ARRDC5: variants seen among roughly 807,000 people sequenced by gnomAD.
ARRDC5 encodes arrestin domain containing 5, also known as arrestin domain-containing protein 5.
In ARRDC5, 12 loss-of-function variants were observed where a neutral mutation model predicts 13.3. The observed-to-expected ratio is 0.90, with a 90% confidence interval of 0.58 to 1.46. ARRDC5 has a LOEUF of 1.46. Among genes scored for constraint, ARRDC5 ranks in the 40% most tolerant of loss-of-function variants. The probability of loss-of-function intolerance (pLI) is 0.00; values close to 1 mark genes in which losing one functional copy is unlikely to be tolerated. For missense variants in ARRDC5, 406 were observed against 418.7 expected (o/e 0.97, Z 0.26); for synonymous variants, 181 against 173.4 (o/e 1.04, Z -0.34).
At chr19:4,900,019 G>A (rs2146256315) in intron 1 of ARRDC5, among the ~76,000 whole-genome samples, 1 of 151,290 alleles carries the variant, frequency 6.6e-6, no homozygotes, top group Non-Finnish European at 1.5e-5. Flanking sequence ...CTGTTGCCCA[G>A]GCTGGAGTGC....
intron 2 of ARRDC5, among the ~76,000 whole-genome samples, chr19:4,893,662 G>T (rs12980909): frequency 1.4e-5 from 2 of 147,312 alleles, no homozygotes; most frequent in Non-Finnish European, 3.0e-5. Context: ...GAGGCCAAGG[G>T]GGGAGGATCA....
the ARRDC5 span, chr19:4,910,355 G>A: frequency 6.6e-6 from 1 of 151,176 alleles, no homozygotes; most frequent in Non-Finnish European, 1.5e-5. Flanking sequence ...GGGCCGGCAA[G>A]GAGGGGGGGC....
In ARRDC5 at chr19:4,891,509, C is replaced by G. The variant is rs1477920182; in HGVS notation, c.524G>C (p.Cys175Ser). The change falls in exon 3 of 3, where the codon TGT (cysteine) becomes TCT (serine). Residue 175 changes from cysteine (C) to serine (S), a missense_variant. Physicochemically the swap from Cys to Ser is moderately radical, Grantham distance 112 (BLOSUM62 -1). Transcript: ENST00000650722. ...SYNCCRQGTVCLQIQMERNTF... is the reference protein window; with the variant it reads ...SYNCCRQGTVSLQIQMERNTF... Reference sequence around the variant, plus strand: ...GTTCCTTTCCATCTGGATTTGCAAACAGACAGTGCCCTGGCGGCAGCAGTT... The same window carrying G: ...GTTCCTTTCCATCTGGATTTGCAAAGAGACAGTGCCCTGGCGGCAGCAGTT... 1 of 1,613,920 alleles carries G rather than the reference C, an allele frequency of 6.2e-7. No homozygotes were observed. The highest frequency in any genetic ancestry group is 1.7e-5 in the Admixed American group (1 of 59,988).
At position 4,902,737 on chromosome 19, in the gene ARRDC5, G is replaced by T. The variant is rs376093484; in HGVS notation, c.89C>A (p.Thr30Asn). Residue 30 changes from threonine to asparagine, a missense_variant, in exon 1 of 3, where the codon ACC becomes AAC. Coordinates refer to ENST00000650722, the MANE Select transcript of ARRDC5 (RefSeq NM_001080523.3). ...GGGGTCCACCAGGGTGCTGTTCAGG[G>T]TTAAGATCACCTGCCCTTTTATGCT... The part of the protein sequence containing the change: ...GSSIKGQVIL[T>N]LNSTLVDPIV... 2 of 1,613,868 alleles carry T rather than the reference G, an allele frequency of 1.2e-6. No individual in the cohort carries two copies. Among genetic ancestry groups the T allele is most frequent in the Non-Finnish European group, 1.7e-6 (2 of 1,179,898 alleles).
In ARRDC5 at chr19:4,891,057, G is replaced by T. The variant is rs1179040032; in HGVS notation, c.976C>A (p.His326Asn). ...EDGVLPVNPD[H>N]QN Reference sequence around the variant, plus strand: ...AAAAGTTCGGGCACTTAATTCTGGTGATCTGGGTTCACGGGTAACACTCCG... The same window carrying T: ...AAAAGTTCGGGCACTTAATTCTGGTTATCTGGGTTCACGGGTAACACTCCG... Residue 326 changes from histidine (H) to asparagine (N), a missense_variant, in exon 3 of 3, where the codon CAC (histidine) becomes AAC (asparagine). Physicochemically the swap from His to Asn is moderately conservative, Grantham distance 68. Transcript: ENST00000650722. The T allele has an allele frequency of 6.2e-7, 1 of 1,610,934 alleles. No homozygotes were observed. Among genetic ancestry groups the T allele is most frequent in the Non-Finnish European group, 8.5e-7 (1 of 1,178,770 alleles).
Position 4,902,702 on chromosome 19 carries a change from C to A in ARRDC5, c.124G>T (p.Val42Leu). ...ACGTAACCCCTTCCCACGAGCTCCACCTTCACTATGGGGTCCACCAGGGTG... is the reference window on the plus strand; with the variant it reads ...ACGTAACCCCTTCCCACGAGCTCCAACTTCACTATGGGGTCCACCAGGGTG... ...NSTLVDPIVK[V>L]ELVGRGYVEW... is the part of the protein sequence containing the mutation. Residue 42 changes from valine (V) to leucine (L), a missense_variant, in exon 1 of 3, where the codon GTG becomes TTG. By Grantham distance (32) the Val-to-Leu change is conservative (BLOSUM62 1). Transcript: ENST00000650722. 1 of 1,614,074 alleles carries A rather than the reference C, an allele frequency of 6.2e-7. No homozygotes were observed. The highest frequency in any genetic ancestry group is 1.1e-5 in the South Asian group (1 of 91,090).
the ARRDC5 span, among the ~76,000 whole-genome samples, chr19:4,913,240 A>G: frequency 7.0e-6 from 1 of 143,720 alleles, no homozygotes; most frequent in African/African-American, 2.6e-5. Context: ...TTAATTAGAC[A>G]TGTACATTGT....
At chr19:4,899,765 A>T (rs2656931) in intron 1 of ARRDC5, among the ~76,000 whole-genome samples, 27,044 of 62,928 alleles carry the variant, frequency 0.43, 3,466 homozygotes, top group Middle Eastern at 0.54. Flanking sequence ...CCGTCTCTAC[A>T]AAAAAAAAAA....
At chr19:4,896,348 ATTT>A (rs1225628606) in intron 2 of ARRDC5, among the ~76,000 whole-genome samples, 3,882 of 59,370 alleles carry the variant, frequency 0.065, 341 homozygotes, top group African/African-American at 0.14. Context: ...ATATATATAT[ATTT>A]TTTTTTTTTT....
the ARRDC5 span, among the ~76,000 whole-genome samples, chr19:4,914,706 G>C: frequency 1.3e-5 from 2 of 150,760 alleles, no homozygotes; most frequent in South Asian, 4.2e-4. Flanking sequence ...TGTCTTTTGC[G>C]GCACCTTTAA....
intron 2 of ARRDC5, among the ~76,000 whole-genome samples, chr19:4,893,664 G>A (rs574475069): frequency 3.7e-4 from 55 of 149,710 alleles, no homozygotes; most frequent in African/African-American, 1.4e-3. Context: ...GGCCAAGGGG[G>A]GAGGATCACT....
intron 1 of ARRDC5, among the ~76,000 whole-genome samples, chr19:4,899,377 C>G (rs989949291): frequency 6.6e-6 from 1 of 151,980 alleles, no homozygotes; most frequent in African/African-American, 2.4e-5. Flanking sequence ...TGCCTGTAAT[C>G]CCAGCACTTT....
intron 1 of ARRDC5, among the ~76,000 whole-genome samples, chr19:4,900,367 C>T (rs1409321074): frequency 1.3e-5 from 2 of 152,104 alleles, no homozygotes; most frequent in South Asian, 2.1e-4. Flanking sequence ...ATCTGCCCAC[C>T]TTGGCCTCCC....
In ARRDC5 at chr19:4,899,768, A is replaced by T. The variant is rs1401150885; in HGVS notation, c.253+2805T>A. ...CACGGTGAAACCCCGTCTCTACAAA[A>T]AAAAAAAAAAAAAAAAAAAAATTAG... is the stretch of plus-strand genomic sequence containing the variant. On this transcript the variant is annotated intron_variant, in intron 1 of 2. Coordinates refer to ENST00000650722, the MANE Select transcript of ARRDC5 (RefSeq NM_001080523.3). 6.7e-3 allele frequency among the ~76,000 whole-genome samples: 822 copies of T among 123,374 alleles called. 6 individuals are homozygous for T. The highest frequency in any genetic ancestry group is 0.021 in the South Asian group (78 of 3,748). 80.9% of individuals were successfully genotyped at this position (123,374 alleles called of 152,430 possible). A position where few individuals can be genotyped will look rare whatever the true frequency, so the allele number is the denominator to read the frequency against.
At chr19:4,909,787 C>T in the ARRDC5 span, 17 of 455,554 alleles carry the variant, frequency 3.7e-5, no homozygotes, top group Non-Finnish European at 4.6e-5. Flanking sequence ...TCCAGGGCCT[C>T]CCCTTCCACC....
chr19:4,901,429 C>T (rs1032871601), intron 1 of ARRDC5, among the ~76,000 whole-genome samples: 3 of 151,996 alleles, frequency 2.0e-5, no homozygotes, highest in Non-Finnish European at 2.9e-5. Context: ...GCCTGGCCAA[C>T]GTGGTGAAAC....
chr19:4,914,287 C>T, the ARRDC5 span, among the ~76,000 whole-genome samples: 1 of 152,082 alleles, frequency 6.6e-6, no homozygotes, highest in East Asian at 1.9e-4. Flanking sequence ...CAGCACCTCC[C>T]AGAGCGTGAA....
the ARRDC5 span, among the ~76,000 whole-genome samples, chr19:4,915,273 C>T: frequency 1.3e-5 from 2 of 152,246 alleles, no homozygotes; most frequent in Non-Finnish European, 2.9e-5. Context: ...CTCCCACCCA[C>T]TGCGGCATCC....
chr19:4,900,400 G>C (rs2031879202), intron 1 of ARRDC5, among the ~76,000 whole-genome samples: 1 of 152,156 alleles, frequency 6.6e-6, no homozygotes, highest in African/African-American at 2.4e-5. Context: ...TAACACGTGT[G>C]AGCCACTGTG....
Sources: allele counts gnomAD v4.1 joint callset (sites outside exome capture counted in the v4.1 genomes callset), GRCh38; gene constraint gnomAD v4.1.1; transcripts MANE v1.5; gene names NCBI Gene and HGNC (gene_info 2026-07-23, HGNC 2026-07-21).